ANXA3: variants seen among roughly 807,000 people sequenced by gnomAD.
ANXA3 encodes 35-alpha calcimedin.
A neutral mutation model predicts 48.8 loss-of-function variants in ANXA3; 46 were observed. The observed-to-expected ratio is 0.94, with a 90% CI of 0.74 to 1.21. ANXA3 has a LOEUF of 1.21. Among genes scored for constraint, ANXA3 ranks in the 50% most tolerant of loss-of-function variants. The pLI, the probability that ANXA3 is intolerant of heterozygous loss-of-function variation, is 0.00. For synonymous variants in ANXA3, 128 were observed against 134.7 expected (o/e 0.95, Z 0.35); for missense variants, 383 against 378.6 (o/e 1.01, Z -0.10).
At chr4:78,572,398 T>G (rs1475506150) in intron 2 of ANXA3, among the ~76,000 whole-genome samples, 1 of 151,890 alleles carries the variant, frequency 6.6e-6, no homozygotes, top group Non-Finnish European at 1.5e-5. Context: ...CACATTGCAG[T>G]AAAGAAAAAG....
intron 7 of ANXA3, among the ~76,000 whole-genome samples, chr4:78,594,822 T>C (rs1319162994): frequency 6.6e-6 from 1 of 152,236 alleles, no homozygotes; most frequent in African/African-American, 2.4e-5. Flanking sequence ...TTGTACCTTG[T>C]CTTTTCTTCC....
intron 2 of ANXA3, among the ~76,000 whole-genome samples, chr4:78,571,902 T>G (rs1261321806): frequency 1.3e-5 from 2 of 152,232 alleles, no homozygotes; most frequent in African/African-American, 4.8e-5. Flanking sequence ...ATGATGTCAG[T>G]AGAGCTTTTA....
intron 3 of ANXA3, 42 bp from the exon 4 acceptor site, chr4:78,578,985 T>C (rs372470961): frequency 7.3e-7 from 1 of 1,360,904 alleles, no homozygotes; most frequent in Admixed American, 1.7e-5. Flanking sequence ...AAGACAAATG[T>C]TGAGCATAAA....
At chr4:78,597,611 C>CT (rs1202882517) in intron 10 of ANXA3, among the ~76,000 whole-genome samples, 197 bp downstream of exon 10, 1 of 151,932 alleles carries the variant, frequency 6.6e-6, no homozygotes, top group Admixed American at 6.6e-5. Context: ...TTTTTTAAGT[C>CT]TTTTTTCTTT....
chr4:78,564,859 C>G (rs938483533), intron 2 of ANXA3, among the ~76,000 whole-genome samples: 11 of 152,146 alleles, frequency 7.2e-5, no homozygotes, highest in African/African-American at 2.7e-4. Context: ...CTCTACCTCT[C>G]ATCTGGAGAG....
chr4:78,582,836 T>A (rs1230343455), intron 5 of ANXA3, among the ~76,000 whole-genome samples: 1 of 152,226 alleles, frequency 6.6e-6, no homozygotes, highest in Non-Finnish European at 1.5e-5. Flanking sequence ...ATTATTTTTA[T>A]TAATTTATTT....
At chr4:78,561,846 G>A (rs1288074505) in intron 2 of ANXA3, among the ~76,000 whole-genome samples, 1 of 152,146 alleles carries the variant, frequency 6.6e-6, no homozygotes, top group Non-Finnish European at 1.5e-5. Context: ...ATGGTCTTTT[G>A]CAGAAAGTTG....
At chr4:78,564,101 A>G (rs941485252) in intron 2 of ANXA3, among the ~76,000 whole-genome samples, 2 of 152,234 alleles carry the variant, frequency 1.3e-5, no homozygotes, top group African/African-American at 4.8e-5. Flanking sequence ...CAAATACATG[A>G]AAATTATTCT....
At chr4:78,557,342 T>C (rs1191384305) in intron 2 of ANXA3, among the ~76,000 whole-genome samples, 2 of 152,164 alleles carry the variant, frequency 1.3e-5, no homozygotes, top group African/African-American at 4.8e-5. Context: ...TTCTCTGCTT[T>C]TAAGGGTGCG....
At chr4:78,604,514 A>T (rs114641359) in intron 12 of ANXA3, 115 bp downstream of exon 12, 1 of 842,894 alleles carries the variant, frequency 1.2e-6, no homozygotes, top group African/African-American at 1.7e-5. Context: ...CTCCTTGTCA[A>T]TGTATAAATG....
chr4:78,596,292 C>T (rs776503015), intron 9 of ANXA3, among the ~76,000 whole-genome samples: 5 of 152,218 alleles, frequency 3.3e-5, no homozygotes, highest in Admixed American at 1.3e-4. Context: ...TCTGTTGACA[C>T]ATCAATACTG....
At chr4:78,564,854 C>G (rs1722696938) in intron 2 of ANXA3, among the ~76,000 whole-genome samples, 1 of 152,158 alleles carries the variant, frequency 6.6e-6, no homozygotes, top group Non-Finnish European at 1.5e-5. Flanking sequence ...GGGAACTCTA[C>G]CTCTCATCTG....
At chr4:78,604,562 C>T (rs12711028) in intron 12 of ANXA3, among the ~76,000 whole-genome samples, 163 bp downstream of exon 12, 75,642 of 152,006 alleles carry the variant, frequency 0.5, 20,908 homozygotes, top group Middle Eastern at 0.62. Context: ...CAAAATATCC[C>T]TTATTTTCAG....
chr4:78,599,543 T>G (rs184963033), intron 10 of ANXA3, among the ~76,000 whole-genome samples: 1 of 152,228 alleles, frequency 6.6e-6, no homozygotes, highest in East Asian at 1.9e-4. Context: ...AACATGTTGA[T>G]TTCAGAAACC....
At chr4:78,582,883 C>A (rs1723101146) in intron 5 of ANXA3, among the ~76,000 whole-genome samples, 1 of 152,178 alleles carries the variant, frequency 6.6e-6, no homozygotes, top group African/African-American at 2.4e-5. Flanking sequence ...GCATAAATTT[C>A]CAATGGCTTT....
chr4:78,557,114 AG>A (rs2094510967), intron 2 of ANXA3, among the ~76,000 whole-genome samples: 1 of 152,184 alleles, frequency 6.6e-6, no homozygotes, highest in South Asian at 2.1e-4. Context: ...GGTAGAATTT[AG>A]TTCCTTGTAG....
chr4:78,580,626 G>A (rs1723052316), intron 4 of ANXA3, among the ~76,000 whole-genome samples: 1 of 152,160 alleles, frequency 6.6e-6, no homozygotes, highest in Non-Finnish European at 1.5e-5. Flanking sequence ...CTGTTGAGAG[G>A]GTCTAGTGAC....
chr4:78,602,257 A>T (rs1467232949), intron 11 of ANXA3: 2 of 151,720 alleles, frequency 1.3e-5, no homozygotes, highest in African/African-American at 4.8e-5. Context: ...AAAAAAAAAA[A>T]AGAAAATGAG....
chr4:78,590,627 T>C (rs1160685863), intron 6 of ANXA3, among the ~76,000 whole-genome samples: 5 of 152,110 alleles, frequency 3.3e-5, no homozygotes, highest in African/African-American at 1.2e-4. Flanking sequence ...TGATGGGCAC[T>C]GCACATCACA....
Sources: allele counts gnomAD v4.1 joint callset (sites outside exome capture counted in the v4.1 genomes callset), GRCh38; gene constraint gnomAD v4.1.1; transcripts MANE v1.5; gene names NCBI Gene and HGNC (gene_info 2026-07-23, HGNC 2026-07-21).